PATJ: variants seen among roughly 807,000 people sequenced by gnomAD.
The protein encoded by PATJ is inaD-like protein.
Under a neutral mutation model 224.9 loss-of-function variants are expected in PATJ, and 190 were observed. The observed-to-expected ratio is 0.84, with a 90% confidence interval of 0.75 to 0.95. The LOEUF is 0.95. Among genes scored for constraint, PATJ ranks in the 40% least tolerant of loss-of-function variants. The pLI, the probability that PATJ is intolerant of heterozygous loss-of-function variation, is 0.00. For missense variants in PATJ, 2,121 were observed against 2,270.3 expected, an observed-to-expected ratio of 0.93 and a Z score of 1.34; for synonymous variants, 769 against 820.3, an observed-to-expected ratio of 0.94 and a Z score of 1.07.
intron 30 of PATJ, among the ~76,000 whole-genome samples, chr1:62,042,492 G>C (rs1651700321): frequency 6.6e-6 from 1 of 152,062 alleles, no homozygotes; most frequent in Admixed American, 6.5e-5. Flanking sequence ...GGCTAAAAGA[G>C]ACAGCCCATT....
intron 29 of PATJ, among the ~76,000 whole-genome samples, chr1:62,035,293 T>G (rs1351354261): frequency 6.6e-6 from 1 of 152,200 alleles, no homozygotes; most frequent in Non-Finnish European, 1.5e-5. Flanking sequence ...ATAGTTGTAG[T>G]TTTTCTCCCA....
intron 35 of PATJ, among the ~76,000 whole-genome samples, chr1:62,115,573 A>G (rs575675276): frequency 6.6e-6 from 1 of 150,496 alleles, no homozygotes; most frequent in South Asian, 2.2e-4. Flanking sequence ...AAGGTAAGTA[A>G]TAGCTTGAAA....
intron 39 of PATJ, 67 bp from the exon 40 acceptor site, chr1:62,127,905 A>C (rs544505929): frequency 1.3e-6 from 2 of 1,555,684 alleles, no homozygotes; most frequent in African/African-American, 1.4e-5. Flanking sequence ...ACAGCTATCT[A>C]TCTAGGGATA....
intron 43 of PATJ, among the ~76,000 whole-genome samples, chr1:62,156,077 A>AG (rs1205381711): frequency 2.0e-5 from 3 of 149,894 alleles, no homozygotes; most frequent in African/African-American, 7.4e-5. Context: ...AAAAAAAAAA[A>AG]AAAGAATATT....
intron 18 of PATJ, among the ~76,000 whole-genome samples, chr1:61,858,789 G>C (rs1664108563): frequency 6.6e-6 from 1 of 152,152 alleles, no homozygotes; most frequent in Non-Finnish European, 1.5e-5. Context: ...TGGTATTTTT[G>C]CATGGGAGAC....
intron 39 of PATJ, among the ~76,000 whole-genome samples, chr1:62,125,273 A>AAAAAAAAAAT (rs1166145137): frequency 6.9e-6 from 1 of 145,572 alleles, no homozygotes; most frequent in Non-Finnish European, 1.5e-5. Flanking sequence ...ACAAAAAAAA[A>AAAAAAAAAAT]ACGCCATTAG....
chr1:62,151,796 A>C (rs1218623766), intron 42 of PATJ, among the ~76,000 whole-genome samples: 1 of 152,210 alleles, frequency 6.6e-6, no homozygotes, highest in African/African-American at 2.4e-5. Flanking sequence ...CAGTACACGA[A>C]TATGAACTAC....
intron 17 of PATJ, among the ~76,000 whole-genome samples, chr1:61,839,875 G>C (rs1340602564): frequency 6.6e-6 from 1 of 151,822 alleles, no homozygotes; most frequent in East Asian, 1.9e-4. Context: ...CTCTCTCAAA[G>C]TCTGAGAGAG....
In PATJ at chr1:61,827,423, T is replaced by G. The variant is rs747296938; in HGVS notation, c.1820T>G (p.Val607Gly). ...TGACTTATCCCCTTGTCTTCCTAGGTCAATGGCATGCAGCTTTATGGAAAA... is the reference window on the plus strand; with the variant it reads ...TGACTTATCCCCTTGTCTTCCTAGGGCAATGGCATGCAGCTTTATGGAAAA... Reference protein sequence around the residue: ...LLQPEDELLEVNGMQLYGKSR... With the variant: ...LLQPEDELLEGNGMQLYGKSR... Residue 607 changes from valine to glycine, a missense_variant and splice_region_variant, in exon 16 of 44, where the codon GTC becomes GGC. Val to Gly is a moderately radical substitution (Grantham distance 109). Transcript: ENST00000642238. 1.9e-6 allele frequency: 3 copies of G among 1,613,764 alleles called. No homozygotes were observed. The Admixed American group carries it at 5.0e-5, about 27-fold the overall frequency.
chr1:61,937,733 C>T (rs187516530), intron 27 of PATJ, among the ~76,000 whole-genome samples: 1 of 151,670 alleles, frequency 6.6e-6, no homozygotes, highest in Non-Finnish European at 1.5e-5. Flanking sequence ...TCACCACAAC[C>T]TCCGCCTCCT....
chr1:61,842,568 G>A (rs976139429), intron 17 of PATJ, among the ~76,000 whole-genome samples: 6 of 152,018 alleles, frequency 3.9e-5, no homozygotes, highest in African/African-American at 1.2e-4. Context: ...TGTTTCAGAC[G>A]TGGCCAAACT....
In PATJ at chr1:61,864,538, C is replaced by A; in HGVS notation, c.2740C>A (p.His914Asn). ...ACTTCACTTTGGTACACAGTGGTTG[C>A]ATGATAATGAACCATCCGAGTCTCA... is the stretch of plus-strand genomic sequence containing the variant. ...NELHFGTQWL[H>N]DNEPSESQEA... is the part of the protein sequence containing the mutation. Residue 914 changes from histidine (H) to asparagine (N), a missense_variant, in exon 20 of 44, where the codon CAT (histidine) becomes AAT (asparagine). By Grantham distance (68) the His-to-Asn change is moderately conservative. Coordinates refer to ENST00000642238, the MANE Select transcript of PATJ (RefSeq NM_001350145.3). The A allele has an allele frequency of 6.2e-7, 1 of 1,613,250 alleles. No individual in the cohort carries two copies. Among genetic ancestry groups the A allele is most frequent in the Non-Finnish European group, 8.5e-7 (1 of 1,179,498 alleles).
intron 26 of PATJ, among the ~76,000 whole-genome samples, chr1:61,925,606 T>C (rs1294932786): frequency 6.6e-6 from 1 of 152,158 alleles, no homozygotes; most frequent in African/African-American, 2.4e-5. Flanking sequence ...ATGAATTGCA[T>C]CTCTGAGGCA....
intron 25 of PATJ, among the ~76,000 whole-genome samples, chr1:61,908,869 A>G (rs1276867016): frequency 2.0e-5 from 3 of 152,230 alleles, no homozygotes; most frequent in Non-Finnish European, 4.4e-5. Context: ...CATGTTGTGT[A>G]TATTTATTAA....
Position 62,108,486 on chromosome 1 carries a change from A to G in PATJ, c.4427A>G (p.Asp1476Gly). The change falls in exon 34 of 44, where the codon GAT becomes GGT. Residue 1476 changes from aspartate to glycine, a missense_variant. Coordinates refer to ENST00000642238, the MANE Select transcript of PATJ (RefSeq NM_001350145.3). ...TATGAAGAAGGGGCAGCAGCCAGAG[A>G]TGGAAGACTTTGGGCTGGTGACCAG... ...EVYEEGAAARDGRLWAGDQIL... is the reference protein window; with the variant it reads ...EVYEEGAAARGGRLWAGDQIL... The G allele has an allele frequency of 6.2e-7, 1 of 1,610,280 alleles. No individual in the cohort carries two copies. Among genetic ancestry groups the G allele is most frequent in the African/African-American group, 1.3e-5 (1 of 74,992 alleles).
At chr1:61,989,070 A>G (rs1427516941) in intron 27 of PATJ, among the ~76,000 whole-genome samples, 1 of 152,200 alleles carries the variant, frequency 6.6e-6, no homozygotes, top group Non-Finnish European at 1.5e-5. Context: ...GGCACAGCAC[A>G]TGCTTAAAGC....
intron 7 of PATJ, among the ~76,000 whole-genome samples, chr1:61,779,276 A>T (rs1168935648): frequency 1.3e-5 from 2 of 152,208 alleles, no homozygotes; most frequent in Non-Finnish European, 2.9e-5. Context: ...AGGGAAGGCC[A>T]GGAGGCTGGA....
chr1:62,036,197 G>A lies in PATJ; in HGVS notation c.3960-1780G>A, dbSNP rs927404933. On this transcript the variant is annotated intron_variant, in intron 29 of 43. Transcript: ENST00000642238. The stretch of plus-strand genomic sequence containing the variant: ...TGTTAGAATCATAATAACTTTGCTG[G>A]GTGGAGAATGGGTTGGAGAGAAGAT... Among the ~76,000 whole-genome samples, 8 of 152,286 alleles carry A rather than the reference G, an allele frequency of 5.3e-5. No homozygotes were observed. The East Asian group carries it at 7.7e-4, about 15-fold the overall frequency.
chr1:61,974,106 C>G (rs1202671438), intron 27 of PATJ, among the ~76,000 whole-genome samples: 1 of 151,730 alleles, frequency 6.6e-6, no homozygotes, highest in African/African-American at 2.4e-5. Flanking sequence ...TTCTGGTGAT[C>G]CTGGGACCAC....
Sources: allele counts gnomAD v4.1 joint callset (sites outside exome capture counted in the v4.1 genomes callset), GRCh38; gene constraint gnomAD v4.1.1; transcripts MANE v1.5; gene names NCBI Gene and HGNC (gene_info 2026-07-23, HGNC 2026-07-21).